The following LRRC8B variants were observed in gnomAD, a reference collection of about 807,000 sequenced individuals.
LRRC8B encodes the protein leucine rich repeat containing 8 VRAC subunit B.
A neutral mutation model predicts 58.8 loss-of-function variants in LRRC8B; 23 were observed. The observed-to-expected ratio is 0.39, with a 90% CI of 0.28 to 0.55. LRRC8B has a LOEUF of 0.55. Ranked by LOEUF, LRRC8B falls within the 20% of genes least tolerant of loss-of-function variation. The pLI is 0.62. For missense variants in LRRC8B, 694 were observed against 936.0 expected (o/e 0.74, Z 3.37); for synonymous variants, 359 against 374.1 (o/e 0.96, Z 0.47).
At chr1:89,577,818 AAACCCAGTTATAATGCAGTTAT>A (rs561357633) in intron 3 of LRRC8B, among the ~76,000 whole-genome samples, 2 of 152,164 alleles carry the variant, frequency 1.3e-5, no homozygotes, top group African/African-American at 4.8e-5. Context: ...ATCCTTATTC[AAACCCAGTTATAATGCAGTTAT>A]AACCCAGTTA....
At position 89,583,649 on chromosome 1, in the gene LRRC8B, C is replaced by T. The variant is rs761385982; in HGVS notation, c.999C>T (p.Ser333=). The change falls in exon 5 of 6, where the codon AGC becomes AGT. Residue 333 remains serine (S), a synonymous_variant. Coordinates refer to ENST00000330947, the MANE Select transcript of LRRC8B (RefSeq NM_001369817.2). This position sits in a 1 kb window ranked among gnomAD's most constrained non-coding sequence, Gnocchi z 5.2. Reference sequence around the variant, plus strand: ...TTTATGGTCTGACCTCTTCCTACAGCCTGTGGTGGATGCTGAGGAGTTCCC... The same window carrying T: ...TTTATGGTCTGACCTCTTCCTACAGTCTGTGGTGGATGCTGAGGAGTTCCC... ...VILYGLTSSY[S]LWWMLRSSLK... is the part of the protein sequence containing the mutation. 2 of 1,613,606 alleles carry T rather than the reference C, an allele frequency of 1.2e-6. No individual in the cohort carries two copies. Among genetic ancestry groups the T allele is most frequent in the South Asian group, 1.1e-5 (1 of 91,080 alleles).
intron 3 of LRRC8B, among the ~76,000 whole-genome samples, chr1:89,578,860 T>C (rs1654034949): frequency 6.6e-6 from 1 of 152,202 alleles, no homozygotes. Flanking sequence ...GTAATTTAAC[T>C]ATCACAAATT....
At chr1:89,587,663 G>A (rs1459263472) in intron 5 of LRRC8B, among the ~76,000 whole-genome samples, 2 of 152,196 alleles carry the variant, frequency 1.3e-5, no homozygotes, top group African/African-American at 4.8e-5. Context: ...CATTTTAAAA[G>A]TCTGATCTCA....
Position 89,583,180 on chromosome 1 carries a change from C to T in LRRC8B, c.530C>T (p.Ser177Leu). ...CTTTCAGAAACAGTGGCTGAGCAGT[C>T]AGTGAGGCCTCTGAAACTCTCCAAG... ...RALSETVAEQ[S>L]VRPLKLSKSK... The change falls in exon 5 of 6, where the codon TCA (serine) becomes TTA (leucine). Residue 177 changes from serine to leucine, a missense_variant. Coordinates refer to ENST00000330947, the MANE Select transcript of LRRC8B (RefSeq NM_001369817.2). This position sits in a 1 kb window ranked among gnomAD's most constrained non-coding sequence, Gnocchi z 5.2. 6.2e-7 allele frequency: 1 copy of T among 1,614,174 alleles called. No homozygotes were observed. Among genetic ancestry groups the T allele is most frequent in the Non-Finnish European group, 8.5e-7 (1 of 1,180,038 alleles).
Position 89,596,527 on chromosome 1 carries a change from G to A in LRRC8B, c.*3484G>A, listed in dbSNP as rs1477275790. 6.6e-6 allele frequency: 1 copy of A among 151,934 alleles called. No homozygotes were observed. Among genetic ancestry groups the A allele is most frequent in the Non-Finnish European group, 1.5e-5 (1 of 67,946 alleles). The allele number at this position is 151,934 out of a possible 1,614,324, so 9.4% of individuals were successfully genotyped here. A position where few individuals can be genotyped will look rare whatever the true frequency, so the allele number is the denominator to read the frequency against. ...AAATTTTATGTTTAATTAAAATATTGCATAATATTGATGGGTTCAAAAACC... is the reference window on the plus strand; with the variant it reads ...AAATTTTATGTTTAATTAAAATATTACATAATATTGATGGGTTCAAAAACC... On this transcript the variant is annotated 3_prime_UTR_variant, in exon 6 of 6. Coordinates refer to ENST00000330947, the MANE Select transcript of LRRC8B (RefSeq NM_001369817.2).
intron 1 of LRRC8B, among the ~76,000 whole-genome samples, chr1:89,543,809 T>C (rs541654288): frequency 5.3e-5 from 8 of 151,206 alleles, no homozygotes; most frequent in Admixed American, 5.3e-4. Flanking sequence ...TTTTTTTGAG[T>C]TGGGGTCTTG....
chr1:89,527,398 C>T (rs762348436), intron 1 of LRRC8B, among the ~76,000 whole-genome samples: 26 of 152,166 alleles, frequency 1.7e-4, no homozygotes, highest in Non-Finnish European at 3.4e-4. Context: ...CTGATTCTGT[C>T]ATGTTATTAC....
Position 89,525,205 on chromosome 1 carries a change from C to T in LRRC8B, c.-241+183C>T, listed in dbSNP as rs557898608. ...TAGCGCGGCTGCAGAGACGAGTGGCCGCTTCGTTGTGCTCCCTGCCTTCGG... is the reference window on the plus strand; with the variant it reads ...TAGCGCGGCTGCAGAGACGAGTGGCTGCTTCGTTGTGCTCCCTGCCTTCGG... On this transcript the variant is annotated intron_variant, in intron 1 of 5. Coordinates refer to ENST00000330947, the MANE Select transcript of LRRC8B (RefSeq NM_001369817.2). Among the ~76,000 whole-genome samples the T allele has an allele frequency of 3.3e-5, 5 of 152,352 alleles. No individual in the cohort carries two copies. The East Asian group carries it at 5.8e-4, about 18-fold the overall frequency.
chr1:89,573,932 G>T (rs114160481), intron 3 of LRRC8B, among the ~76,000 whole-genome samples: 3,197 of 152,300 alleles, frequency 0.021, 105 homozygotes, highest in African/African-American at 0.073. Flanking sequence ...GCTGGCTGTG[G>T]TAGGTTTTTT....
At chr1:89,560,103 G>C (rs1051282804) in intron 1 of LRRC8B, among the ~76,000 whole-genome samples, 1 of 152,186 alleles carries the variant, frequency 6.6e-6, no homozygotes, top group South Asian at 2.1e-4. Flanking sequence ...ATTAGATTAC[G>C]TGAGATGACA....
intron 4 of LRRC8B, among the ~76,000 whole-genome samples, chr1:89,582,211 CAAAAA>C (rs367553054): frequency 7.4e-6 from 1 of 135,348 alleles, no homozygotes; most frequent in East Asian, 2.1e-4. Flanking sequence ...GACCCTGTCT[CAAAAA>C]AAAAAGGAAG....
chr1:89,525,128 A>G (rs75506969), intron 1 of LRRC8B, 106 bp downstream of exon 1: 8,369 of 152,446 alleles, frequency 0.055, 272 homozygotes, highest in African/African-American at 0.085. Context: ...GGCTGGCCGA[A>G]CAGGTGCGGT....
intron 1 of LRRC8B, among the ~76,000 whole-genome samples, chr1:89,562,515 A>G (rs1242091864): frequency 6.6e-6 from 1 of 151,694 alleles, no homozygotes; most frequent in Non-Finnish European, 1.5e-5. Flanking sequence ...TCTGTCACCC[A>G]GGCTGGAGCT....
rs577745836 is a variant in LRRC8B, at chr1:89,597,400, A to G, written c.*4357A>G. The G allele has an allele frequency of 2.0e-5, 3 of 152,376 alleles. No homozygotes were observed. Among genetic ancestry groups the G allele is most frequent in the Admixed American group, 2.0e-4 (3 of 15,312 alleles). 9.4% of individuals were successfully genotyped at this position (152,376 alleles called of 1,614,324 possible). A position where few individuals can be genotyped will look rare whatever the true frequency, so the allele number is the denominator to read the frequency against. On this transcript the variant is annotated 3_prime_UTR_variant, in exon 6 of 6. Transcript: ENST00000330947. ...TATGAATGCCTTCTGCATGTTGTAC[A>G]TTATCTCTAACAGAGATGGTGCAAT...
chr1:89,545,884 A>G lies in LRRC8B; in HGVS notation c.-241+20862A>G, dbSNP rs1239838851. On this transcript the variant is annotated intron_variant, in intron 1 of 5. Coordinates refer to ENST00000330947, the MANE Select transcript of LRRC8B (RefSeq NM_001369817.2). ...GGGAAATGTTTGAGCAGAGGTGTATAGGAAAGAATGTATGCAGTACTGAAA... is the reference window on the plus strand; with the variant it reads ...GGGAAATGTTTGAGCAGAGGTGTATGGGAAAGAATGTATGCAGTACTGAAA... Among the ~76,000 whole-genome samples, 8 of 152,342 alleles carry G rather than the reference A, an allele frequency of 5.3e-5. 1 individual carries two copies. In the South Asian group the frequency reaches 1.7e-3, roughly 32 times the overall value.
At chr1:89,577,124 G>A (rs1011612767) in intron 3 of LRRC8B, among the ~76,000 whole-genome samples, 5 of 152,124 alleles carry the variant, frequency 3.3e-5, no homozygotes, top group East Asian at 1.9e-4. Flanking sequence ...GTAGAGAACC[G>A]CTATTTGGAA....
rs942564324 is a variant in LRRC8B, at chr1:89,596,472, T to A, written c.*3429T>A. ...CATAACATTGTTTGATAGTGAAAAATTTTTTTTCGGTTCAAGTGTTTTGTG... is the reference window on the plus strand; with the variant it reads ...CATAACATTGTTTGATAGTGAAAAAATTTTTTTCGGTTCAAGTGTTTTGTG... On this transcript the variant is annotated 3_prime_UTR_variant, in exon 6 of 6. Transcript: ENST00000330947. 6.6e-5 allele frequency: 10 copies of A among 152,008 alleles called. No homozygotes were observed. The highest frequency in any genetic ancestry group is 2.4e-4 in the African/African-American group (10 of 41,400). 9.4% of individuals were successfully genotyped at this position (152,008 alleles called of 1,614,324 possible). A position where few individuals can be genotyped will look rare whatever the true frequency, so the allele number is the denominator to read the frequency against.
rs1454149252 is a variant in LRRC8B, at chr1:89,583,022, G to C, written c.372G>C (p.Leu124=). 1.2e-6 allele frequency: 2 copies of C among 1,613,966 alleles called. No individual in the cohort carries two copies. Among genetic ancestry groups the C allele is most frequent in the African/African-American group, 1.3e-5 (1 of 74,880 alleles). Residue 124 remains leucine, a synonymous_variant, in exon 5 of 6, where the codon CTG becomes CTC. Coordinates refer to ENST00000330947, the MANE Select transcript of LRRC8B (RefSeq NM_001369817.2). This position sits in a 1 kb window ranked among gnomAD's most constrained non-coding sequence, Gnocchi z 5.2. ...LHWFAKFFPY[L]VLLHTLIFAA... ...GGTTTGCAAAGTTTTTCCCCTATCT[G>C]GTGCTCTTGCACACGCTCATCTTTG...
intron 3 of LRRC8B, among the ~76,000 whole-genome samples, chr1:89,576,503 A>C (rs1377663125): frequency 1.3e-5 from 2 of 152,180 alleles, no homozygotes; most frequent in Admixed American, 1.3e-4. Context: ...GCTGAGATTG[A>C]GAATCACTGT....
Sources: allele counts gnomAD v4.1 joint callset (sites outside exome capture counted in the v4.1 genomes callset), GRCh38; gene constraint gnomAD v4.1.1; non-coding constraint Gnocchi (gnomAD v3.1); transcripts MANE v1.5; gene names NCBI Gene and HGNC (gene_info 2026-07-23, HGNC 2026-07-21).